The following PIGX variants were observed in gnomAD, a reference collection of about 807,000 sequenced individuals.
PIGX encodes the protein phosphatidylinositol glycan anchor biosynthesis class X.
A neutral mutation model predicts 28.7 loss-of-function variants in PIGX; 24 were observed. The ratio of observed to expected loss-of-function variants is 0.84; its 90% CI spans 0.60 to 1.17. The LOEUF is 1.17. Ranked by LOEUF, PIGX falls within the 50% of genes most tolerant of loss-of-function variation. The pLI is 0.00. For missense variants in PIGX, 305 were observed against 317.8 expected, an observed-to-expected ratio of 0.96 and a Z score of 0.31; for synonymous variants, 127 against 121.0, an observed-to-expected ratio of 1.05 and a Z score of -0.33.
chr3:196,730,747 CAAAAAAAAAA>C lies in PIGX; in HGVS notation c.533-230_533-221del, dbSNP rs965830812. ...TGGGTGACAGAGTGAGACTCTGTCT[CAAAAAAAAAA>C]AAAAAAAAAAAAAAGAAGTCATGTT... On this transcript the variant is annotated intron_variant, in intron 4 of 5. Coordinates refer to ENST00000392391, the MANE Select transcript of PIGX (RefSeq NM_017861.4). 4.9e-5 allele frequency among the ~76,000 whole-genome samples: 2 copies of C among 40,732 alleles called. 1 individual carries two copies. The highest frequency in any genetic ancestry group is 2.0e-3 in the South Asian group (2 of 992). The allele number at this position is 40,732 out of a possible 152,430, so 26.7% of individuals were successfully genotyped here.
At chr3:196,712,878 C>T in intron 1 of PIGX, 1 of 1,074,932 alleles carries the variant, frequency 9.3e-7, no homozygotes, top group Non-Finnish European at 1.1e-6. Flanking sequence ...CCAGGCTGGA[C>T]TGGCCGCCCT....
At chr3:196,727,788 G>C (rs1272622957) in intron 3 of PIGX, 135 bp from the exon 4 acceptor site, 3 of 513,510 alleles carry the variant, frequency 5.8e-6, no homozygotes, top group Non-Finnish European at 1.0e-5. Flanking sequence ...GAGGATGGAA[G>C]GGGAATGGAA....
chr3:196,722,965 T>G (rs1394417479), intron 3 of PIGX, among the ~76,000 whole-genome samples: 1 of 152,214 alleles, frequency 6.6e-6, no homozygotes, highest in African/African-American at 2.4e-5. Context: ...CATTTTCTTT[T>G]AAAAAGAAAG....
rs763826130 is a variant in PIGX at position 196,735,001 on chromosome 3, AAAT to A, written c.*1102_*1104del. 5.3e-5 allele frequency: 8 copies of A among 152,174 alleles called. No homozygotes were observed. The highest frequency in any genetic ancestry group is 1.0e-4 in the Non-Finnish European group (7 of 68,026). The allele number at this position is 152,174 out of a possible 1,614,324, so 9.4% of individuals were successfully genotyped here. ...AAGTAAGTGCCATAGGCTAATTAAAAAATAAAACCTTGGCCGGGCGCGGTGGCT... is the reference window on the plus strand; with the variant it reads ...AAGTAAGTGCCATAGGCTAATTAAAAAAAACCTTGGCCGGGCGCGGTGGCT... On this transcript the variant is annotated 3_prime_UTR_variant, in exon 6 of 6. Coordinates refer to ENST00000392391, the MANE Select transcript of PIGX (RefSeq NM_017861.4).
chr3:196,726,589 TATG>T, intron 3 of PIGX: 1 of 443,980 alleles, frequency 2.3e-6, no homozygotes, highest in Non-Finnish European at 4.5e-6. Flanking sequence ...ATGCAGCTAA[TATG>T]ATGAATGATT....
At chr3:196,722,298 C>A in intron 2 of PIGX, 117 bp from the exon 3 acceptor site, 1 of 697,502 alleles carries the variant, frequency 1.4e-6, no homozygotes, top group Non-Finnish European at 2.4e-6. Context: ...ACCTTATAAT[C>A]TACTTTTGGA....
Position 196,734,268 on chromosome 3 carries a change from C to T in PIGX, c.*366C>T, listed in dbSNP as rs542165519. ...AATTTAAGCTACAAATTGAGAAAAC[C>T]GTTATAAATAAGAATAAAATAGGCC... On this transcript the variant is annotated 3_prime_UTR_variant, in exon 6 of 6. Transcript: ENST00000392391. 1.7e-5 allele frequency: 3 copies of T among 177,394 alleles called. No homozygotes were observed. Among genetic ancestry groups the T allele is most frequent in the South Asian group, 2.5e-4 (2 of 7,994 alleles). 11.0% of individuals were successfully genotyped at this position (177,394 alleles called of 1,614,324 possible). A position where few individuals can be genotyped will look rare whatever the true frequency, so the allele number is the denominator to read the frequency against.
At chr3:196,713,751 C>T (rs1489758214) in intron 1 of PIGX, among the ~76,000 whole-genome samples, 7 of 150,736 alleles carry the variant, frequency 4.6e-5, no homozygotes, top group Non-Finnish European at 8.8e-5. Flanking sequence ...GCAGGAGAAT[C>T]GCTTGAACTA....
At chr3:196,728,406 CCTCT>C in intron 4 of PIGX, 1 of 586,752 alleles carries the variant, frequency 1.7e-6, no homozygotes. Context: ...CATCTCCTTC[CCTCT>C]AAGACGAACC....
chr3:196,712,457 C>T lies in PIGX; in HGVS notation c.-76C>T. 1 of 637,522 alleles carries T rather than the reference C, an allele frequency of 1.6e-6. No individual in the cohort carries two copies. Among genetic ancestry groups the T allele is most frequent in the Non-Finnish European group, 2.1e-6 (1 of 473,026 alleles). The allele number at this position is 637,522 out of a possible 1,614,324, so 39.5% of individuals were successfully genotyped here. Reference sequence around the variant, plus strand: ...AATCTGGGGCAGCGCGCGGTAGGAGCTGCGGGCGGCCAGGCCCCTTCCTGC... The same window carrying T: ...AATCTGGGGCAGCGCGCGGTAGGAGTTGCGGGCGGCCAGGCCCCTTCCTGC... On this transcript the variant is annotated 5_prime_UTR_variant, in exon 1 of 6. Transcript: ENST00000392391.
chr3:196,732,234 ATATATATATAT>A (rs1712803162), intron 5 of PIGX, among the ~76,000 whole-genome samples: 1 of 60,000 alleles, frequency 1.7e-5, no homozygotes, highest in African/African-American at 8.0e-5. Context: ...ATATATATAT[ATATATATATAT>A]ATATATATAT....
chr3:196,728,220 C>CAG, intron 4 of PIGX, 84 bp downstream of exon 4: 1 of 1,084,376 alleles, frequency 9.2e-7, no homozygotes, highest in Non-Finnish European at 1.4e-6. Context: ...GGCTGGCTGG[C>CAG]AAGGCCCTAT....
At position 196,734,170 on chromosome 3, in the gene PIGX, A is replaced by G; in HGVS notation, c.*268A>G. 2 of 329,184 alleles carry G rather than the reference A, an allele frequency of 6.1e-6. No individual in the cohort carries two copies. Among genetic ancestry groups the G allele is most frequent in the Middle Eastern group, 8.9e-4 (1 of 1,124 alleles). The allele number at this position is 329,184 out of a possible 1,614,324, so 20.4% of individuals were successfully genotyped here. ...TGTTTATTTTGTGAGAAGTGACTTT[A>G]TCTTCATTTGGGGTAGAAAAATTAT... On this transcript the variant is annotated 3_prime_UTR_variant, in exon 6 of 6. Transcript: ENST00000392391.
At chr3:196,732,261 ATT>A (rs1491273056) in intron 5 of PIGX, among the ~76,000 whole-genome samples, 19 of 20,868 alleles carry the variant, frequency 9.1e-4, no homozygotes, top group East Asian at 2.1e-3. Context: ...TATATATTTT[ATT>A]TTATTTTATT....
At position 196,725,925 on chromosome 3, in the gene PIGX, T is replaced by C. The variant is rs1031584387; in HGVS notation, c.319-1998T>C. 3.9e-5 allele frequency among the ~76,000 whole-genome samples: 6 copies of C among 152,162 alleles called. No homozygotes were observed. The South Asian group carries it at 6.2e-4, about 16-fold the overall frequency. On this transcript the variant is annotated intron_variant, in intron 3 of 5. Transcript: ENST00000392391. ...TATCAAACTTTTTCTAAGTAACTTA[T>C]CTGCATCCCAAACAAAGCTCAAGAA...
At chr3:196,717,249 C>T (rs146301847) in intron 2 of PIGX, among the ~76,000 whole-genome samples, 2 of 149,166 alleles carry the variant, frequency 1.3e-5, no homozygotes, top group Admixed American at 6.8e-5. Flanking sequence ...TGTGGTGAGC[C>T]GAGATCATGC....
intron 3 of PIGX, chr3:196,726,559 G>A (rs934372804): frequency 4.9e-6 from 2 of 410,850 alleles, no homozygotes; most frequent in African/African-American, 2.1e-5. Context: ...TATTGCTCCT[G>A]TACTCTATGA....
chr3:196,728,839 A>G (rs1371833318), intron 4 of PIGX: 2 of 748,888 alleles, frequency 2.7e-6, no homozygotes, highest in Non-Finnish European at 4.9e-6. Context: ...ATTGGTCCAC[A>G]TTACCCCTCT....
At chr3:196,732,275 T>A (rs1348219924) in intron 5 of PIGX, among the ~76,000 whole-genome samples, 4 of 81,344 alleles carry the variant, frequency 4.9e-5, no homozygotes, top group African/African-American at 1.8e-4. Flanking sequence ...TATTTTATTT[T>A]TTTTTTTATT....
Sources: allele counts gnomAD v4.1 joint callset (sites outside exome capture counted in the v4.1 genomes callset), GRCh38; gene constraint gnomAD v4.1.1; transcripts MANE v1.5; gene names NCBI Gene and HGNC (gene_info 2026-07-23, HGNC 2026-07-21).